The following AOC1 variants were observed in gnomAD, a reference collection of about 807,000 sequenced individuals.
The protein encoded by AOC1 is amine oxidase copper containing 1, also known as diamine oxidase [copper-containing].
AOC1 carries 58 observed loss-of-function variants against 57.1 expected under a neutral mutation model. The ratio of observed to expected loss-of-function variants is 1.02; its 90% CI spans 0.82 to 1.26. The LOEUF is 1.26. AOC1 is among the 50% of genes most tolerant of loss of function. AOC1 has a pLI of 0.00. For missense variants in AOC1, 917 were observed against 1,005.3 expected, an observed-to-expected ratio of 0.91 and a Z score of 1.19; for synonymous variants, 401 against 423.4, an observed-to-expected ratio of 0.95 and a Z score of 0.65.
chr7:150,852,963 C>T lies in AOC1; in HGVS notation c.-17+405C>T, dbSNP rs1442553108. On this transcript the variant is annotated intron_variant, in intron 1 of 4. Transcript: ENST00000360937. This position sits in a 1 kb window ranked among gnomAD's most constrained non-coding sequence, Gnocchi z 4.6. ...ATAAGAGGTTGTAAAAAAGGAGACC[C>T]AGCCGTGAAAGGACATGGAGGTACC... Among the ~76,000 whole-genome samples the T allele has an allele frequency of 6.6e-6, 1 of 152,084 alleles. No homozygotes were observed. Among genetic ancestry groups the T allele is most frequent in the Non-Finnish European group, 1.5e-5 (1 of 68,026 alleles).
chr7:150,854,530 C>T (rs570698898), intron 1 of AOC1, among the ~76,000 whole-genome samples: 35 of 152,150 alleles, frequency 2.3e-4, no homozygotes, highest in African/African-American at 8.2e-4. Context: ...CTCGGCAGTG[C>T]GGGGTTTCAG....
chr7:150,856,762 C>T lies in AOC1; in HGVS notation c.292C>T (p.Arg98Cys), dbSNP rs144106544. 1.2e-4 allele frequency: 199 copies of T among 1,614,132 alleles called. No individual in the cohort carries two copies. The East Asian group carries it at 4.1e-3, about 33-fold the overall frequency. The change falls in exon 2 of 5, where the codon CGT (arginine) becomes TGT (cysteine). Residue 98 changes from arginine to cysteine, a missense_variant. Physicochemically the swap from Arg to Cys is radical, Grantham distance 180. Coordinates refer to ENST00000360937, the MANE Select transcript of AOC1 (RefSeq NM_001091.4). The surrounding 1 kb of genome is among the most constrained non-coding windows in gnomAD (Gnocchi z 5.2). The stretch of plus-strand genomic sequence containing the variant: ...TGAAAGGCATCCTGTGCGGGAAGCC[C>T]GTGCCGTCATCTTCTTTGGTGACCA... ...KGERHPVREA[R>C]AVIFFGDQEH...
Position 150,861,197 on chromosome 7 carries a change from T to C in AOC1, c.2244T>C (p.Tyr748=), listed in dbSNP as rs751219642. 6 of 1,583,316 alleles carry C rather than the reference T, an allele frequency of 3.8e-6. No individual in the cohort carries two copies. Among genetic ancestry groups the C allele is most frequent in the Middle Eastern group, 3.4e-4 (2 of 5,956 alleles). The part of the protein sequence containing the change: ...MPPPFSYNGT[Y]RPV ...CCCCTTTTAGCTACAATGGGACCTATAGACCTGTGTGACCAGCCCCCAGTT... is the reference window on the plus strand; with the variant it reads ...CCCCTTTTAGCTACAATGGGACCTACAGACCTGTGTGACCAGCCCCCAGTT... The change falls in exon 5 of 5, where the codon TAT becomes TAC. Residue 748 remains tyrosine, a synonymous_variant. Coordinates refer to ENST00000360937, the MANE Select transcript of AOC1 (RefSeq NM_001091.4). This position sits in a 1 kb window ranked among gnomAD's most constrained non-coding sequence, Gnocchi z 4.5.
Position 150,856,691 on chromosome 7 carries a change from T to C in AOC1, c.221T>C (p.Met74Thr). 2.5e-6 allele frequency: 4 copies of C among 1,614,184 alleles called. No individual in the cohort carries two copies. Among genetic ancestry groups the C allele is most frequent in the Non-Finnish European group, 3.4e-6 (4 of 1,179,996 alleles). ...AAGAACACCGTGTTTCTCATCGAGA[T>C]GCTGCTGCCCAAGAAGTACCATGTG... ...MAKNTVFLIEMLLPKKYHVLR... is the reference protein window; with the variant it reads ...MAKNTVFLIETLLPKKYHVLR... The change falls in exon 2 of 5, where the codon ATG becomes ACG. Residue 74 changes from methionine to threonine, a missense_variant. Physicochemically the swap from Met to Thr is moderately conservative, Grantham distance 81. Coordinates refer to ENST00000360937, the MANE Select transcript of AOC1 (RefSeq NM_001091.4). This position sits in a 1 kb window ranked among gnomAD's most constrained non-coding sequence, Gnocchi z 5.2.
At position 150,858,807 on chromosome 7, in the gene AOC1, A is replaced by G; in HGVS notation, c.1615A>G (p.Ile539Val). 1 of 1,612,050 alleles carries G rather than the reference A, an allele frequency of 6.2e-7. No homozygotes were observed. Among genetic ancestry groups the G allele is most frequent in the South Asian group, 1.1e-5 (1 of 91,046 alleles). ...FQTLQMKLENITNPWSPRHRV... is the reference protein window; with the variant it reads ...FQTLQMKLENVTNPWSPRHRV... ...GACACTGCAGATGAAGCTAGAAAACATCACCAACCCCTGGAGCCCAAGACA... is the reference window on the plus strand; with the variant it reads ...GACACTGCAGATGAAGCTAGAAAACGTCACCAACCCCTGGAGCCCAAGACA... Residue 539 changes from isoleucine to valine, a missense_variant, in exon 3 of 5, where the codon ATC (isoleucine) becomes GTC (valine). Transcript: ENST00000360937.
At position 150,857,742 on chromosome 7, in the gene AOC1, G is replaced by T. The variant is rs754862585; in HGVS notation, c.1272G>T (p.Gly424=). 4 of 1,614,154 alleles carry T rather than the reference G, an allele frequency of 2.5e-6. No homozygotes were observed. Among genetic ancestry groups the T allele is most frequent in the Non-Finnish European group, 3.4e-6 (4 of 1,179,998 alleles). ...TCTGCCTCTTTGAAATGCCCACAGG[G>T]GTGCCCCTTCGGCGGCACTTTAATT... ...RALCLFEMPT[G]VPLRRHFNSN... The change falls in exon 2 of 5, where the codon GGG becomes GGT. Residue 424 remains glycine, a synonymous_variant. Transcript: ENST00000360937. This position sits in a 1 kb window ranked among gnomAD's most constrained non-coding sequence, Gnocchi z 6.6.
rs749609181 is a variant in AOC1 at position 150,857,780 on chromosome 7, G to A, written c.1310G>A (p.Gly437Asp). 3.7e-6 allele frequency: 6 copies of A among 1,614,082 alleles called. No homozygotes were observed. In the East Asian group the frequency reaches 8.9e-5, roughly 24 times the overall value. Reference sequence around the variant, plus strand: ...CGGCACTTTAATTCCAACTTTAAAGGTGGCTTCAACTTCTATGCGGGGCTG... The same window carrying A: ...CGGCACTTTAATTCCAACTTTAAAGATGGCTTCAACTTCTATGCGGGGCTG... ...LRRHFNSNFK[G>D]GFNFYAGLKG... Residue 437 changes from glycine to aspartate, a missense_variant, in exon 2 of 5, where the codon GGT becomes GAT. Coordinates refer to ENST00000360937, the MANE Select transcript of AOC1 (RefSeq NM_001091.4). The surrounding 1 kb of genome is among the most constrained non-coding windows in gnomAD (Gnocchi z 6.6).
chr7:150,861,211 C>T lies in AOC1; in HGVS notation c.*2C>T, dbSNP rs1349551830. Reference sequence around the variant, plus strand: ...AATGGGACCTATAGACCTGTGTGACCAGCCCCCAGTTCCTCCCCCAGTTCC... The same window carrying T: ...AATGGGACCTATAGACCTGTGTGACTAGCCCCCAGTTCCTCCCCCAGTTCC... On this transcript the variant is annotated 3_prime_UTR_variant, in exon 5 of 5. Transcript: ENST00000360937. This position sits in a 1 kb window ranked among gnomAD's most constrained non-coding sequence, Gnocchi z 4.5. 1 of 1,567,260 alleles carries T rather than the reference C, an allele frequency of 6.4e-7. No individual in the cohort carries two copies. Among genetic ancestry groups the T allele is most frequent in the Non-Finnish European group, 8.7e-7 (1 of 1,149,596 alleles).
chr7:150,852,319 G>A (rs912112842), upstream of AOC1: 9 of 152,306 alleles, frequency 5.9e-5, no homozygotes, highest in Middle Eastern at 3.4e-3. The surrounding 1 kb of genome is among the most constrained non-coding windows in gnomAD (Gnocchi z 4.6). Context: ...TGTGGAAGGC[G>A]GCACTTGTCT....
Position 150,856,999 on chromosome 7 carries a change from T to C in AOC1, c.529T>C (p.Cys177Arg), listed in dbSNP as rs1211055801. ...TACCACAGGCTTCTCATTCCAAGAC[T>C]GCCATGACAGATGCCTGGCCTTCAC... Reference protein sequence around the residue: ...LNTTGFSFQDCHDRCLAFTDV... With the variant: ...LNTTGFSFQDRHDRCLAFTDV... Residue 177 changes from cysteine to arginine, a missense_variant, in exon 2 of 5, where the codon TGC becomes CGC. Cys to Arg is a radical substitution (Grantham distance 180). Transcript: ENST00000360937. The surrounding 1 kb of genome is among the most constrained non-coding windows in gnomAD (Gnocchi z 5.2). 6 of 1,614,040 alleles carry C rather than the reference T, an allele frequency of 3.7e-6. No homozygotes were observed. The highest frequency in any genetic ancestry group is 1.7e-5 in the Admixed American group (1 of 60,004).
rs546583289 is a variant in AOC1, at chr7:150,857,457, C to G, written c.987C>G (p.Arg329=). 2 of 1,612,262 alleles carry G rather than the reference C, an allele frequency of 1.2e-6. No homozygotes were observed. Residue 329 remains arginine (R), a synonymous_variant, in exon 2 of 5, where the codon CGC becomes CGG. Transcript: ENST00000360937. This position sits in a 1 kb window ranked among gnomAD's most constrained non-coding sequence, Gnocchi z 6.6. ...GCTGGAGCTTTGCCTTCCGGCTGCG[C>G]TCCTCCTCCGGGCTGCAGGTCCTGA... The part of the protein sequence containing the change: ...YGGWSFAFRL[R]SSSGLQVLNV...
At chr7:150,858,629 C>A in intron 2 of AOC1, 134 bp from the exon 3 acceptor site, 2 of 977,098 alleles carry the variant, frequency 2.0e-6, no homozygotes, top group East Asian at 5.2e-5. Context: ...CCGCCCAGGG[C>A]ATCCCCCAAC....
Position 150,857,372 on chromosome 7 carries a change from G to T in AOC1, c.902G>T (p.Arg301Leu). Residue 301 changes from arginine (R) to leucine (L), a missense_variant, in exon 2 of 5, where the codon CGC becomes CTC. Transcript: ENST00000360937. This position sits in a 1 kb window ranked among gnomAD's most constrained non-coding sequence, Gnocchi z 6.6. ...FPSPIHVSGP[R>L]LVQPHGPRFR... ...AGCCCCATCCATGTGAGCGGCCCCC[G>T]CTTGGTCCAGCCCCACGGCCCTCGC... is the stretch of plus-strand genomic sequence containing the variant. 1 of 1,608,088 alleles carries T rather than the reference G, an allele frequency of 6.2e-7. No homozygotes were observed.
In AOC1 at chr7:150,856,686, C is replaced by T. The variant is rs767444736; in HGVS notation, c.216C>T (p.Ile72=). 26 of 1,614,054 alleles carry T rather than the reference C, an allele frequency of 1.6e-5. No individual in the cohort carries two copies. The highest frequency in any genetic ancestry group is 1.9e-5 in the Non-Finnish European group (22 of 1,180,002). ...TTMAKNTVFL[I]EMLLPKKYHV... ...TGGCCAAGAACACCGTGTTTCTCAT[C>T]GAGATGCTGCTGCCCAAGAAGTACC... The change falls in exon 2 of 5, where the codon ATC becomes ATT. Residue 72 remains isoleucine (I), a synonymous_variant. Coordinates refer to ENST00000360937, the MANE Select transcript of AOC1 (RefSeq NM_001091.4). The surrounding 1 kb of genome is among the most constrained non-coding windows in gnomAD (Gnocchi z 5.2).
At position 150,861,375 on chromosome 7, in the gene AOC1, C is replaced by A. The variant is rs527258838; in HGVS notation, c.*166C>A. 1.6e-5 allele frequency: 12 copies of A among 748,642 alleles called. No individual in the cohort carries two copies. The highest frequency in any genetic ancestry group is 2.5e-5 in the Non-Finnish European group (12 of 479,260). 46.4% of individuals were successfully genotyped at this position (748,642 alleles called of 1,614,324 possible). The stretch of plus-strand genomic sequence containing the variant: ...AGACGTGCACACACACAGACGTGCA[C>A]ACACACACAGACATGCACACACACA... On this transcript the variant is annotated 3_prime_UTR_variant, in exon 5 of 5. Transcript: ENST00000360937. The surrounding 1 kb of genome is among the most constrained non-coding windows in gnomAD (Gnocchi z 4.5).
rs1799967150 is a variant in AOC1 at position 150,861,426 on chromosome 7, ACG to A, written c.*219_*220del. On this transcript the variant is annotated 3_prime_UTR_variant, in exon 5 of 5. Transcript: ENST00000360937. The surrounding 1 kb of genome is among the most constrained non-coding windows in gnomAD (Gnocchi z 4.5). ...CAGACGTGCACACACACAGACGTGC[ACG>A]CACTCACACGGACATGCACACACAT... 3 of 519,350 alleles carry A rather than the reference ACG, an allele frequency of 5.8e-6. No individual in the cohort carries two copies. The highest frequency in any genetic ancestry group is 1.0e-5 in the Non-Finnish European group (3 of 300,522). 32.2% of individuals were successfully genotyped at this position (519,350 alleles called of 1,614,324 possible).
At chr7:150,853,921 C>T (rs1799699212) in intron 1 of AOC1, 1 of 152,078 alleles carries the variant, frequency 6.6e-6, no homozygotes. Context: ...ATTCCAGAGG[C>T]TGAGGCAGGA....
Position 150,859,702 on chromosome 7 carries a change from C to CA in AOC1, c.1856+673dup, listed in dbSNP as rs71196733. ...TGGGCAACAGAGCAAGACTAGTTCTCAAAAAAAAAAAAAAAAAAATCCTAA... is the reference window on the plus strand; with the variant it reads ...TGGGCAACAGAGCAAGACTAGTTCTCAAAAAAAAAAAAAAAAAAAATCCTAA... On this transcript the variant is annotated intron_variant, in intron 3 of 4. Transcript: ENST00000360937. The CA allele has an allele frequency of 5.3e-3, 546 of 103,964 alleles. 6 individuals are homozygous for CA. The highest frequency in any genetic ancestry group is 0.039 in the East Asian group (132 of 3,396). 6.4% of individuals were successfully genotyped at this position (103,964 alleles called of 1,614,324 possible). A position where few individuals can be genotyped will look rare whatever the true frequency, so the allele number is the denominator to read the frequency against.
chr7:150,856,287 G>A lies in AOC1; in HGVS notation c.-16-168G>A, dbSNP rs146252614. Among the ~76,000 whole-genome samples, 429 of 152,286 alleles carry A rather than the reference G, an allele frequency of 2.8e-3. 3 individuals carry two copies. The highest frequency in any genetic ancestry group is 5.0e-3 in the Non-Finnish European group (337 of 68,002). ...ATGGATGCACAGGCAGCGGCCCGAC[G>A]GCGCTGGGGACTATGCATGGGGCCC... On this transcript the variant is annotated intron_variant, in intron 1 of 4. Coordinates refer to ENST00000360937, the MANE Select transcript of AOC1 (RefSeq NM_001091.4). The surrounding 1 kb of genome is among the most constrained non-coding windows in gnomAD (Gnocchi z 5.2).
Sources: gnomAD v4.1 joint callset for allele counts (sites outside exome capture counted in the v4.1 genomes callset) on GRCh38, gnomAD v4.1.1 for gene constraint, Gnocchi (gnomAD v3.1) non-coding constraint, MANE v1.5 for transcripts, NCBI Gene and HGNC (gene_info 2026-07-23, HGNC 2026-07-21) for gene names.